The following PIK3CA variants were observed in gnomAD, a reference collection of about 807,000 sequenced individuals.
The protein encoded by PIK3CA is phosphatidylinositol-4,5-bisphosphate 3-kinase catalytic subunit alpha, also known as phosphatidylinositol 4,5-bisphosphate 3-kinase catalytic subunit alpha isoform.
In PIK3CA, 27 loss-of-function variants were observed where a neutral mutation model predicts 138.2. The ratio of observed to expected loss-of-function variants is 0.20; its 90% CI spans 0.14 to 0.27. The LOEUF is 0.27. Ranked by LOEUF, PIK3CA falls within the 10% of genes least tolerant of loss-of-function variation. The probability of loss-of-function intolerance (pLI) is 1.00; values close to 1 mark genes in which losing one functional copy is unlikely to be tolerated. For synonymous variants in PIK3CA, 358 were observed against 413.2 expected (o/e 0.87, Z 1.62); for missense variants, 544 against 1,277.4 (o/e 0.43, Z 8.75).
At chr3:179,222,929 T>C (rs1725001877) in intron 14 of PIK3CA, among the ~76,000 whole-genome samples, 2 of 152,218 alleles carry the variant, frequency 1.3e-5, no homozygotes, top group African/African-American at 4.8e-5. Flanking sequence ...TCTTCTAAGC[T>C]GGAGTTTTTA....
Position 179,220,192 on chromosome 3 carries a change from A to G in PIK3CA, c.2015+140A>G. ...TTCCATACTAAAAGTATTTTGTACC[A>G]GTGATGAGCTTCTCAACTTTTGCTC... On this transcript the variant is annotated intron_variant, in intron 13 of 20. Transcript: ENST00000263967. This position sits in a 1 kb window ranked among gnomAD's most constrained non-coding sequence, Gnocchi z 4.1. The G allele has an allele frequency of 1.2e-6, 1 of 811,552 alleles. No individual in the cohort carries two copies. The highest frequency in any genetic ancestry group is 1.8e-6 in the Non-Finnish European group (1 of 571,220). The allele number at this position is 811,552 out of a possible 1,614,324, so 50.3% of individuals were successfully genotyped here.
chr3:179,208,726 A>G (rs907095924), intron 6 of PIK3CA, among the ~76,000 whole-genome samples: 22 of 152,158 alleles, frequency 1.4e-4, no homozygotes, highest in Admixed American at 1.0e-3. Flanking sequence ...ATAATTTTTT[A>G]TCTTGTTCAC....
chr3:179,152,300 G>A (rs982986112), intron 1 of PIK3CA, among the ~76,000 whole-genome samples: 2 of 152,128 alleles, frequency 1.3e-5, no homozygotes, highest in African/African-American at 4.8e-5. Flanking sequence ...TACTGCACTG[G>A]AAATAAGGAG....
intron 1 of PIK3CA, among the ~76,000 whole-genome samples, chr3:179,176,778 A>G (rs1404067310): frequency 6.6e-6 from 1 of 152,170 alleles, no homozygotes; most frequent in Admixed American, 6.5e-5. Flanking sequence ...TGCAATGAAT[A>G]TTGTTTGGCT....
intron 1 of PIK3CA, among the ~76,000 whole-genome samples, chr3:179,166,253 C>G (rs925734267): frequency 6.6e-6 from 1 of 152,192 alleles, no homozygotes; most frequent in African/African-American, 2.4e-5. Context: ...TCAAGACTTA[C>G]ACATAAGAAA....
chr3:179,236,796 A>G lies in PIK3CA; in HGVS notation c.*2432A>G, dbSNP rs866669719. 34 of 213,682 alleles carry G rather than the reference A, an allele frequency of 1.6e-4. No homozygotes were observed. The Middle Eastern group carries it at 5.2e-3, about 33-fold the overall frequency. The allele number at this position is 213,682 out of a possible 1,614,324, so 13.2% of individuals were successfully genotyped here. On this transcript the variant is annotated 3_prime_UTR_variant, in exon 21 of 21. Transcript: ENST00000263967. ...AAAGACTATAGATTGTGACCTAAGA[A>G]AGAAATGAGGCAAAGAACCAAACAT...
intron 20 of PIK3CA, among the ~76,000 whole-genome samples, chr3:179,232,736 G>T (rs370717511): frequency 1.3e-5 from 2 of 152,028 alleles, no homozygotes; most frequent in Non-Finnish European, 2.9e-5. Flanking sequence ...AGCTAAAAGG[G>T]CTTGTGTTCT....
At chr3:179,182,865 T>C (rs1284687529) in intron 1 of PIK3CA, among the ~76,000 whole-genome samples, 1 of 152,214 alleles carries the variant, frequency 6.6e-6, no homozygotes, top group Non-Finnish European at 1.5e-5. Context: ...TAAAGACCAC[T>C]TACTAATATT....
chr3:179,167,956 C>T (rs1723460877), intron 1 of PIK3CA, among the ~76,000 whole-genome samples: 1 of 152,150 alleles, frequency 6.6e-6, no homozygotes, highest in Admixed American at 6.5e-5. Context: ...AGTTCTTCAT[C>T]TGTTGCTTCA....
At chr3:179,191,764 G>A (rs1395230529) in intron 1 of PIK3CA, among the ~76,000 whole-genome samples, 2 of 152,030 alleles carry the variant, frequency 1.3e-5, no homozygotes, top group African/African-American at 4.8e-5. Flanking sequence ...AGCCTCCCAA[G>A]TAGCTGGGAT....
At chr3:179,194,438 C>G (rs766014759) in intron 1 of PIK3CA, among the ~76,000 whole-genome samples, 3 of 152,036 alleles carry the variant, frequency 2.0e-5, no homozygotes, top group South Asian at 2.1e-4. Flanking sequence ...AGGCTGGTCT[C>G]GAACTCCTCA....
At chr3:179,200,590 C>T (rs1443237019) in intron 3 of PIK3CA, among the ~76,000 whole-genome samples, 1 of 152,126 alleles carries the variant, frequency 6.6e-6, no homozygotes, top group African/African-American at 2.4e-5. Flanking sequence ...TTTAATGCAA[C>T]ATAAGATCTT....
At chr3:179,200,814 A>T (rs1724391487) in intron 3 of PIK3CA, among the ~76,000 whole-genome samples, 1 of 152,250 alleles carries the variant, frequency 6.6e-6, no homozygotes, top group Non-Finnish European at 1.5e-5. Context: ...AAATTAGACA[A>T]TGCATTTCCT....
chr3:179,187,448 G>T (rs559905032), intron 1 of PIK3CA, among the ~76,000 whole-genome samples: 4 of 142,198 alleles, frequency 2.8e-5, no homozygotes, highest in African/African-American at 1.0e-4. Flanking sequence ...TGAGGCAGGA[G>T]AATTGCTTGA....
chr3:179,203,510 A>C, intron 4 of PIK3CA, 34 bp from the exon 5 acceptor site: 1 of 1,572,170 alleles, frequency 6.4e-7, no homozygotes, highest in Non-Finnish European at 8.6e-7. Context: ...GAAAAACCTT[A>C]CAGGAAATGG....
In PIK3CA at chr3:179,210,251, A is replaced by G. The variant is rs1287788676; in HGVS notation, c.1317A>G (p.Gly439=). 1 of 1,597,314 alleles carries G rather than the reference A, an allele frequency of 6.3e-7. No individual in the cohort carries two copies. Among genetic ancestry groups the G allele is most frequent in the Non-Finnish European group, 8.5e-7 (1 of 1,175,310 alleles). ...ATTACACAGACACTCTAGTATCTGG[A>G]AAAATGGCTTTGAATCTTTGGCCAG... ...LFDYTDTLVS[G]KMALNLWPVP... Residue 439 remains glycine, a synonymous_variant, in exon 8 of 21, where the codon GGA becomes GGG. Transcript: ENST00000263967.
At chr3:179,173,739 G>A (rs1029832400) in intron 1 of PIK3CA, among the ~76,000 whole-genome samples, 3 of 151,942 alleles carry the variant, frequency 2.0e-5, no homozygotes, top group African/African-American at 7.2e-5. Context: ...TTTTGTTTTT[G>A]TTTAGAGGTG....
In PIK3CA at chr3:179,230,521, G is replaced by A. The variant is rs982323858; in HGVS notation, c.2936+145G>A. The A allele has an allele frequency of 2.0e-5, 13 of 653,530 alleles. No individual in the cohort carries two copies. Among genetic ancestry groups the A allele is most frequent in the Middle Eastern group, 4.3e-4 (1 of 2,344 alleles). The allele number at this position is 653,530 out of a possible 1,614,324, so 40.5% of individuals were successfully genotyped here. On this transcript the variant is annotated intron_variant, in intron 20 of 20. Transcript: ENST00000263967. The surrounding 1 kb of genome is among the most constrained non-coding windows in gnomAD (Gnocchi z 5.4). ...TGTAATCCCAACTCTTTGGGAGGCCGAGGCTGGAGGATCACTTGAGCTCAG... is the reference window on the plus strand; with the variant it reads ...TGTAATCCCAACTCTTTGGGAGGCCAAGGCTGGAGGATCACTTGAGCTCAG...
chr3:179,200,732 G>C (rs186685816), intron 3 of PIK3CA, among the ~76,000 whole-genome samples: 2 of 152,086 alleles, frequency 1.3e-5, no homozygotes, highest in African/African-American at 4.8e-5. Flanking sequence ...TCTCTAAATA[G>C]TTTGTCTTCC....
Sources: gnomAD v4.1 joint callset for allele counts (sites outside exome capture counted in the v4.1 genomes callset) on GRCh38, gnomAD v4.1.1 for gene constraint, Gnocchi (gnomAD v3.1) non-coding constraint, MANE v1.5 for transcripts, NCBI Gene and HGNC (gene_info 2026-07-23, HGNC 2026-07-21) for gene names.